DOP1B: variants seen among roughly 807,000 people sequenced by gnomAD.
DOP1B encodes the protein protein DOP1B.
A neutral mutation model predicts 233.5 loss-of-function variants in DOP1B; 174 were observed. That is an observed-to-expected ratio of 0.75 (90% CI 0.66 to 0.85). The LOEUF is 0.85. Ranked by LOEUF, DOP1B falls within the 40% of genes least tolerant of loss-of-function variation. The pLI is 0.00. For missense variants in DOP1B, 2,652 were observed against 2,846.6 expected, an observed-to-expected ratio of 0.93 and a Z score of 1.56; for synonymous variants, 1,190 against 1,185.6, an observed-to-expected ratio of 1.00 and a Z score of -0.08.
intron 2 of DOP1B, among the ~76,000 whole-genome samples, chr21:36,176,099 T>TGTGCGTATGTGTGTGTGTGTGTGC (rs1555886149): frequency 2.5e-4 from 24 of 96,124 alleles, no homozygotes; most frequent in East Asian, 1.9e-3. Context: ...TGTGTGTGCG[T>TGTGCGTATGTGTGTGTGTGTGTGC]GTGTGTGTGT....
At chr21:36,176,850 A>T (rs543986775) in intron 2 of DOP1B, among the ~76,000 whole-genome samples, 57 of 151,138 alleles carry the variant, frequency 3.8e-4, no homozygotes, top group Middle Eastern at 3.4e-3. Flanking sequence ...ACAGAGTCTC[A>T]CTCTGTCACC....
chr21:36,247,457 A>G, intron 19 of DOP1B, 60 bp from the exon 20 acceptor site: 1 of 1,245,948 alleles, frequency 8.0e-7, no homozygotes, highest in Non-Finnish European at 1.1e-6. Flanking sequence ...TAGGATTAGA[A>G]ACCCTTATGG....
chr21:36,274,475 T>C (rs903770910), intron 27 of DOP1B, among the ~76,000 whole-genome samples: 3 of 152,100 alleles, frequency 2.0e-5, no homozygotes, highest in Non-Finnish European at 4.4e-5. Flanking sequence ...TTTGCACATG[T>C]TAAGTCGGAA....
chr21:36,209,505 G>A (rs75908915), intron 5 of DOP1B, among the ~76,000 whole-genome samples: 3,891 of 152,314 alleles, frequency 0.026, 183 homozygotes, highest in African/African-American at 0.089. Context: ...GCCTCTGCAC[G>A]CAGAGGGTCT....
At position 36,260,681 on chromosome 21, in the gene DOP1B, C is replaced by G. The variant is rs144959709; in HGVS notation, c.5264C>G (p.Ser1755Trp). ...PPQVKGGDEK[S>W]PLVDIPVLQF... ...TGGTTTTACTTTCATTTTCAGAAAT[C>G]GCCCCTAGTGGACATTCCTGTGTTG... Residue 1755 changes from serine to tryptophan, a missense_variant, in exon 24 of 37, where the codon TCG (serine) becomes TGG (tryptophan). Physicochemically the swap from Ser to Trp is radical, Grantham distance 177. Transcript: ENST00000691173. 1.4e-5 allele frequency: 22 copies of G among 1,613,918 alleles called. No homozygotes were observed. Among genetic ancestry groups the G allele is most frequent in the Non-Finnish European group, 1.8e-5 (21 of 1,179,972 alleles).
intron 3 of DOP1B, among the ~76,000 whole-genome samples, chr21:36,199,619 A>G (rs1190081753): frequency 1.3e-5 from 2 of 151,532 alleles, no homozygotes; most frequent in Non-Finnish European, 2.9e-5. Context: ...CCAGTGTGTG[A>G]TGTTCCCCTT....
intron 18 of DOP1B, among the ~76,000 whole-genome samples, chr21:36,243,642 C>A (rs1053439647): frequency 1.3e-5 from 2 of 150,828 alleles, no homozygotes; most frequent in Non-Finnish European, 2.9e-5. Flanking sequence ...TGGGCTCATT[C>A]TACATAATAC....
intron 2 of DOP1B, among the ~76,000 whole-genome samples, chr21:36,192,820 TG>T (rs1254430139): frequency 1.3e-5 from 2 of 152,032 alleles, no homozygotes; most frequent in Admixed American, 6.6e-5. Flanking sequence ...CCCGAGTAGC[TG>T]GGACTACAGG....
intron 24 of DOP1B, 30 bp downstream of exon 24, chr21:36,260,762 T>C: frequency 6.2e-7 from 1 of 1,613,156 alleles, no homozygotes; most frequent in Non-Finnish European, 8.5e-7. Flanking sequence ...TCCAAAAACT[T>C]CCTTAAATAC....
chr21:36,193,397 A>G (rs1166118548), intron 2 of DOP1B, among the ~76,000 whole-genome samples: 1 of 152,102 alleles, frequency 6.6e-6, no homozygotes, highest in African/African-American at 2.4e-5. Context: ...CTGTTTGTTC[A>G]GGTTCTTCTT....
At chr21:36,225,892 C>G (rs1242741225) in intron 12 of DOP1B, among the ~76,000 whole-genome samples, 1 of 152,152 alleles carries the variant, frequency 6.6e-6, no homozygotes, top group Non-Finnish European at 1.5e-5. Context: ...TGTAAGTGGG[C>G]AAAGCTGAAG....
chr21:36,217,008 G>C (rs1032789717), intron 9 of DOP1B, among the ~76,000 whole-genome samples: 1 of 147,768 alleles, frequency 6.8e-6, no homozygotes, highest in East Asian at 2.0e-4. Context: ...CTGGGAGGCA[G>C]AGGTTGCAGT....
rs116743448 is a variant in DOP1B at position 36,200,560 on chromosome 21, G to A, written c.491+59G>A. The A allele has an allele frequency of 1.2e-3, 1,854 of 1,520,150 alleles. 20 individuals carry two copies. The African/African-American group carries it at 0.022, about 18-fold the overall frequency. The allele number at this position is 1,520,150 out of a possible 1,614,324, so 94.2% of individuals were successfully genotyped here. A position where few individuals can be genotyped will look rare whatever the true frequency, so the allele number is the denominator to read the frequency against. ...CCACTGCTTTATAAGACGCGGGGAG[G>A]GGGCCGGGCGCAGTGGCTCACGCCT... On this transcript the variant is annotated intron_variant, in intron 4 of 36. Coordinates refer to ENST00000691173, the MANE Select transcript of DOP1B (RefSeq NM_001320714.2).
chr21:36,274,442 C>G (rs62232378), intron 27 of DOP1B, among the ~76,000 whole-genome samples: 2 of 151,914 alleles, frequency 1.3e-5, no homozygotes, highest in African/African-American at 4.8e-5. Flanking sequence ...AAAAACATTT[C>G]GTAGAGAAAA....
chr21:36,284,759 T>C (rs1017228009), intron 32 of DOP1B, among the ~76,000 whole-genome samples: 3 of 151,818 alleles, frequency 2.0e-5, no homozygotes, highest in Admixed American at 2.0e-4. Flanking sequence ...GAGAAATTAT[T>C]TCTCTGAGAG....
intron 7 of DOP1B, among the ~76,000 whole-genome samples, chr21:36,212,335 A>C (rs1027335526): frequency 6.6e-6 from 1 of 152,238 alleles, no homozygotes; most frequent in African/African-American, 2.4e-5. Flanking sequence ...TAAAATGCCA[A>C]CTGAATTCCA....
intron 2 of DOP1B, chr21:36,170,130 CA>C: frequency 1.8e-6 from 1 of 551,380 alleles, no homozygotes; most frequent in Non-Finnish European, 3.4e-6. Context: ...ACTCCTATGG[CA>C]GGAAGCAGAG....
At position 36,281,600 on chromosome 21, in the gene DOP1B, C is replaced by T; in HGVS notation, c.6149C>T (p.Pro2050Leu). 1 of 1,593,450 alleles carries T rather than the reference C, an allele frequency of 6.3e-7. No homozygotes were observed. ...GELDQYHLYL[P>L]LIQERLTDNL... Reference sequence around the variant, plus strand: ...CTTGATCAATACCACCTTTACCTTCCACTGATACAAGGTAAGACAGCTGTC... The same window carrying T: ...CTTGATCAATACCACCTTTACCTTCTACTGATACAAGGTAAGACAGCTGTC... The change falls in exon 32 of 37, where the codon CCA (proline) becomes CTA (leucine). Residue 2050 changes from proline (P) to leucine (L), a missense_variant. Physicochemically the swap from Pro to Leu is moderately conservative, Grantham distance 98. This residue lies in a region of DOP1B where 2,617 missense variants were observed against 2,794.3 expected (regional missense o/e 0.94). Coordinates refer to ENST00000691173, the MANE Select transcript of DOP1B (RefSeq NM_001320714.2).
chr21:36,235,737 T>C (rs529682827), intron 15 of DOP1B, among the ~76,000 whole-genome samples: 4 of 151,314 alleles, frequency 2.6e-5, no homozygotes, highest in Admixed American at 6.6e-5. Flanking sequence ...CAAAAAAATA[T>C]ATATGAGGGA....
Sources: gnomAD v4.1 joint callset for allele counts (sites outside exome capture counted in the v4.1 genomes callset) on GRCh38, gnomAD v4.1.1 for gene constraint, gnomAD v4.1.1 regional missense constraint, MANE v1.5 for transcripts, NCBI Gene and HGNC (gene_info 2026-07-23, HGNC 2026-07-21) for gene names.